The following CDH13 variants were observed in gnomAD, a reference collection of about 807,000 sequenced individuals.
The protein encoded by CDH13 is cadherin-13.
CDH13 carries 24 observed loss-of-function variants against 63.8 expected under a neutral mutation model. That is an observed-to-expected ratio of 0.38 (90% CI 0.27 to 0.53). The LOEUF is 0.53. CDH13 is among the 20% of genes least tolerant of loss of function. The pLI is 0.85. For missense variants in CDH13, 1,049 were observed against 903.1 expected (o/e 1.16, Z -2.07); for synonymous variants, 503 against 355.3 (o/e 1.42, Z -4.67).
chr16:83,132,742 C>CCAAGTGCTGTTTGTA, intron 4 of CDH13, among the ~76,000 whole-genome samples: 1 of 152,120 alleles, frequency 6.6e-6, no homozygotes, highest in African/African-American at 2.4e-5. Flanking sequence ...CCTTTTAAGG[C>CCAAGTGCTGTTTGTA]AACTAGCAGT....
At chr16:82,750,346 C>A (rs2034359127) in intron 1 of CDH13, among the ~76,000 whole-genome samples, 1 of 152,176 alleles carries the variant, frequency 6.6e-6, no homozygotes, top group Non-Finnish European at 1.5e-5. Flanking sequence ...GGAAAGTCAA[C>A]CTCAGAGCAC....
intron 2 of CDH13, among the ~76,000 whole-genome samples, chr16:82,880,196 T>C (rs577960265): frequency 6.6e-6 from 1 of 152,118 alleles, no homozygotes; most frequent in Non-Finnish European, 1.5e-5. Context: ...TTTTCCACTT[T>C]GCAATGAGAG....
At chr16:82,860,378 TGTGTGTGTGTGG>T (rs2039887344) in intron 2 of CDH13, among the ~76,000 whole-genome samples, 1 of 44,190 alleles carries the variant, frequency 2.3e-5, no homozygotes, top group Non-Finnish European at 4.4e-5. Flanking sequence ...CACAGTTGTG[TGTGTGTGTGTGG>T]GGGGGGGGGC....
chr16:83,665,226 T>C (rs1210285984), intron 8 of CDH13, among the ~76,000 whole-genome samples: 2 of 152,014 alleles, frequency 1.3e-5, no homozygotes, highest in East Asian at 1.9e-4. Context: ...CATATATACA[T>C]AACTACATTA....
intron 2 of CDH13, among the ~76,000 whole-genome samples, chr16:82,916,539 A>G (rs12149728): frequency 0.035 from 5,257 of 151,906 alleles, 146 homozygotes; most frequent in Non-Finnish European, 0.048. Context: ...GCGCCACAGC[A>G]CTCCAGCCTG....
chr16:83,261,572 G>A (rs1906996448), intron 5 of CDH13, among the ~76,000 whole-genome samples: 1 of 152,110 alleles, frequency 6.6e-6, no homozygotes. Flanking sequence ...AGTCAGGGAT[G>A]TGGCTCAACA....
At position 82,804,064 on chromosome 16, in the gene CDH13, C is replaced by A. The variant is rs562482103; in HGVS notation, c.46-54298C>A. 3.3e-5 allele frequency among the ~76,000 whole-genome samples: 5 copies of A among 152,164 alleles called. No individual in the cohort carries two copies. The South Asian group carries it at 1.0e-3, about 32-fold the overall frequency. On this transcript the variant is annotated intron_variant, in intron 1 of 13. Transcript: ENST00000567109. ...CCAACATGGTAAAACCTTGTCTCTACTAAAAATATAAAAATTAGCTGGGCG... is the reference window on the plus strand; with the variant it reads ...CCAACATGGTAAAACCTTGTCTCTAATAAAAATATAAAAATTAGCTGGGCG...
intron 6 of CDH13, among the ~76,000 whole-genome samples, chr16:83,393,664 G>GTTGAATCATTCATTCATTGAA (rs1488156466): frequency 1.3e-5 from 2 of 152,194 alleles, no homozygotes; most frequent in Admixed American, 6.5e-5. Context: ...ATTCAATTCA[G>GTTGAATCATTCATTCATTGAA]TTGAATCATT....
At chr16:83,502,430 C>T (rs1213055683) in intron 7 of CDH13, among the ~76,000 whole-genome samples, 1 of 152,056 alleles carries the variant, frequency 6.6e-6, no homozygotes, top group Non-Finnish European at 1.5e-5. Context: ...AGAAGGATTG[C>T]AGCTCTGCCC....
intron 6 of CDH13, among the ~76,000 whole-genome samples, chr16:83,388,785 G>A (rs1223908642): frequency 6.6e-6 from 1 of 152,144 alleles, no homozygotes; most frequent in Non-Finnish European, 1.5e-5. Context: ...CCCCAGGATG[G>A]CCATGGATAC....
intron 6 of CDH13, among the ~76,000 whole-genome samples, chr16:83,479,290 T>A (rs140580153): frequency 4.6e-5 from 7 of 152,332 alleles, no homozygotes; most frequent in African/African-American, 1.7e-4. Context: ...TCCCACAAGC[T>A]ATTTCCCTCG....
rs1441114931 is a variant in CDH13, at chr16:83,678,276, A to G, written c.1353A>G (p.Val451=). 6.2e-7 allele frequency: 1 copy of G among 1,613,856 alleles called. No homozygotes were observed. The highest frequency in any genetic ancestry group is 8.5e-7 in the Non-Finnish European group (1 of 1,179,864). ...AAGTGGAAAATGAAGACCCACTCGT[A>G]CCCGACGTCTCCTACGGCCCCAGCT... The part of the protein sequence containing the change: ...LIKVENEDPL[V]PDVSYGPSST... The change falls in exon 10 of 14, where the codon GTA becomes GTG. Residue 451 remains valine, a synonymous_variant. Coordinates refer to ENST00000567109, the MANE Select transcript of CDH13 (RefSeq NM_001257.5).
At chr16:83,050,094 G>T (rs1292691226) in intron 3 of CDH13, among the ~76,000 whole-genome samples, 1 of 152,022 alleles carries the variant, frequency 6.6e-6, no homozygotes, top group African/African-American at 2.4e-5. Context: ...AGATACTCAG[G>T]ATTCTTTACA....
chr16:82,938,731 G>T (rs2042743446), intron 2 of CDH13, among the ~76,000 whole-genome samples: 1 of 152,162 alleles, frequency 6.6e-6, no homozygotes, highest in South Asian at 2.1e-4. Context: ...AAAGAAAGGA[G>T]AGTCAACGTA....
chr16:82,649,156 C>G (rs1424354173), intron 1 of CDH13, among the ~76,000 whole-genome samples: 2 of 152,278 alleles, frequency 1.3e-5, no homozygotes, highest in East Asian at 1.9e-4. Context: ...ATCCTATATG[C>G]TATGCTTTTA....
chr16:82,869,870 G>T (rs542592222), intron 2 of CDH13, among the ~76,000 whole-genome samples: 1 of 152,282 alleles, frequency 6.6e-6, no homozygotes, highest in Admixed American at 6.5e-5. Flanking sequence ...CTGAAACTCT[G>T]AAACGACTAC....
chr16:83,020,171 A>G (rs1915216158), intron 2 of CDH13, among the ~76,000 whole-genome samples: 1 of 152,238 alleles, frequency 6.6e-6, no homozygotes, highest in Non-Finnish European at 1.5e-5. Flanking sequence ...ATATGACGTC[A>G]TGCAAATATG....
intron 9 of CDH13, among the ~76,000 whole-genome samples, chr16:83,672,880 C>G (rs1914635556): frequency 6.6e-6 from 1 of 152,176 alleles, no homozygotes; most frequent in Admixed American, 6.5e-5. Context: ...TTTATAGACT[C>G]AGGACTAGCC....
chr16:82,650,179 T>C (rs1435844896), intron 1 of CDH13, among the ~76,000 whole-genome samples: 2 of 152,244 alleles, frequency 1.3e-5, no homozygotes, highest in African/African-American at 4.8e-5. Context: ...TGCATGGCTT[T>C]GTTAGTGGAA....
Sources: allele counts gnomAD v4.1 joint callset (sites outside exome capture counted in the v4.1 genomes callset), GRCh38; gene constraint gnomAD v4.1.1; transcripts MANE v1.5; gene names NCBI Gene and HGNC (gene_info 2026-07-23, HGNC 2026-07-21).